PCDHA1: variants seen among roughly 807,000 people sequenced by gnomAD.
PCDHA1 encodes the protein protocadherin alpha 1.
Under a neutral mutation model 61.3 loss-of-function variants are expected in PCDHA1, and 42 were observed. The ratio of observed to expected loss-of-function variants is 0.69; its 90% CI spans 0.54 to 0.89. The LOEUF (loss-of-function observed/expected upper bound fraction) is 0.89. Ranked by LOEUF, PCDHA1 falls within the 40% of genes least tolerant of loss-of-function variation. The pLI, the probability that PCDHA1 is intolerant of heterozygous loss-of-function variation, is 0.00. For missense variants in PCDHA1, 1,256 were observed against 1,235.3 expected (o/e 1.02, Z -0.25); for synonymous variants, 610 against 553.8 (o/e 1.10, Z -1.43).
chr5:140,941,647 C>T (rs1435033243), intron 1 of PCDHA1, among the ~76,000 whole-genome samples: 2 of 152,002 alleles, frequency 1.3e-5, no homozygotes, highest in South Asian at 2.1e-4. Flanking sequence ...CTTCCTACAA[C>T]TTATGTCCAA....
chr5:140,861,442 G>A (rs251368), intron 1 of PCDHA1: 2 of 490,042 alleles, frequency 4.1e-6, no homozygotes, highest in African/African-American at 3.9e-5. Flanking sequence ...TCCAAAAGCC[G>A]CAGAAACCTT....
intron 1 of PCDHA1, among the ~76,000 whole-genome samples, chr5:140,881,114 T>A (rs2058590741): frequency 6.6e-6 from 1 of 152,204 alleles, no homozygotes; most frequent in Admixed American, 6.5e-5. Context: ...GGCCTGGGAT[T>A]TTGTGGCTTG....
At position 140,851,269 on chromosome 5, in the gene PCDHA1, T is replaced by C. The variant is rs1035284960; in HGVS notation, c.2394+62585T>C. ...GATGCATAGTATTTTAGTCTACTTG[T>C]ATTGTTTATAAGAAACCCAAGCAAA... is the stretch of plus-strand genomic sequence containing the variant. On this transcript the variant is annotated intron_variant, in intron 1 of 3. Transcript: ENST00000504120. 2.6e-5 allele frequency: 28 copies of C among 1,066,570 alleles called. No homozygotes were observed. In the South Asian group the frequency reaches 9.7e-4, roughly 37 times the overall value. The allele number at this position is 1,066,570 out of a possible 1,614,324, so 66.1% of individuals were successfully genotyped here. A position where few individuals can be genotyped will look rare whatever the true frequency, so the allele number is the denominator to read the frequency against.
Position 140,853,860 on chromosome 5 carries a change from C to T in PCDHA1, c.2394+65176C>T, listed in dbSNP as rs2042890748. The T allele has an allele frequency of 9.1e-6, 9 of 984,410 alleles. No individual in the cohort carries two copies. In the South Asian group the frequency reaches 3.3e-4, roughly 36 times the overall value. The allele number at this position is 984,410 out of a possible 1,614,324, so 61.0% of individuals were successfully genotyped here. On this transcript the variant is annotated intron_variant, in intron 1 of 3. Coordinates refer to ENST00000504120, the MANE Select transcript of PCDHA1 (RefSeq NM_018900.4). ...TTTAGATCCATAGCCCTATTTGATA[C>T]TTGACAGTGCAAGTTTCTGTAATTT...
intron 1 of PCDHA1, chr5:140,883,260 C>A (rs1554177345): frequency 6.2e-7 from 1 of 1,613,946 alleles, no homozygotes; most frequent in Non-Finnish European, 8.5e-7. Context: ...ATTCCAATGG[C>A]GGGTCATTGT....
At chr5:140,965,312 C>G (rs543157988) in intron 1 of PCDHA1, among the ~76,000 whole-genome samples, 1 of 152,258 alleles carries the variant, frequency 6.6e-6, no homozygotes, top group East Asian at 1.9e-4. Context: ...TCTACCTTCT[C>G]TTTTACTGAA....
chr5:140,849,170 C>A lies in PCDHA1; in HGVS notation c.2394+60486C>A, dbSNP rs2150431916. 4.4e-5 allele frequency: 49 copies of A among 1,111,512 alleles called. No homozygotes were observed. The African/African-American group carries it at 7.8e-4, about 18-fold the overall frequency. 68.9% of individuals were successfully genotyped at this position (1,111,512 alleles called of 1,614,324 possible). ...GAGGCAAACCCGAGCTGACTGGCAC[C>A]GTTCAATTACTCATCACGGTACTGG... On this transcript the variant is annotated intron_variant, in intron 1 of 3. Transcript: ENST00000504120.
At chr5:140,877,729 C>G (rs1554170045) in intron 1 of PCDHA1, 2 of 1,614,168 alleles carry the variant, frequency 1.2e-6, no homozygotes, top group South Asian at 2.2e-5. Context: ...TTACTCGCAG[C>G]AGAGGAGGCA....
chr5:140,987,165 G>A lies in PCDHA1; in HGVS notation c.2542+4602G>A, dbSNP rs191129148. Among the ~76,000 whole-genome samples, 1,195 of 151,202 alleles carry A rather than the reference G, an allele frequency of 7.9e-3. 19 individuals are homozygous for A. The highest frequency in any genetic ancestry group is 0.027 in the African/African-American group (1,126 of 41,156). On this transcript the variant is annotated intron_variant, in intron 3 of 3. Transcript: ENST00000504120. ...GGAGGTGGAGGTTGCAGTGAGCTGA[G>A]ATTGCACCACTGCACTCCAGCCTGG...
rs1554118223 is a variant in PCDHA1, at chr5:140,788,325, T to C, written c.2035T>C (p.Ser679Pro). ...LVESGQAPKASSRASVGVAGP... is the reference protein window; with the variant it reads ...LVESGQAPKAPSRASVGVAGP... ...GGAGAGCGGCCAGGCGCCAAAGGCG[T>C]CTTCGCGGGCGTCGGTGGGTGTCGC... Residue 679 changes from serine (S) to proline (P), a missense_variant, in exon 1 of 4, where the codon TCT becomes CCT. Ser to Pro is a moderately conservative substitution (Grantham distance 74). Transcript: ENST00000504120. 1.9e-6 allele frequency: 3 copies of C among 1,613,806 alleles called. No homozygotes were observed. The South Asian group carries it at 3.3e-5, about 18-fold the overall frequency.
At chr5:141,001,314 T>A (rs34374778) in intron 3 of PCDHA1, among the ~76,000 whole-genome samples, 7,675 of 152,288 alleles carry the variant, frequency 0.05, 243 homozygotes, top group South Asian at 0.11. Flanking sequence ...TGAAATAATT[T>A]GCCAAACATC....
chr5:140,855,885 A>C lies in PCDHA1; in HGVS notation c.2394+67201A>C, dbSNP rs182267691. The C allele has an allele frequency of 1.4e-3, 1,364 of 972,052 alleles. 77 individuals carry two copies. Among genetic ancestry groups the C allele is most frequent in the Non-Finnish European group, 3.0e-4 (200 of 667,108 alleles). The allele number at this position is 972,052 out of a possible 1,614,324, so 60.2% of individuals were successfully genotyped here. On this transcript the variant is annotated intron_variant, in intron 1 of 3. Coordinates refer to ENST00000504120, the MANE Select transcript of PCDHA1 (RefSeq NM_018900.4). ...TGTCGTCCACAAAATAGCTTTTTAG[A>C]ACAAAGGCATCAGCCAGTTTCTCAA...
intron 1 of PCDHA1, among the ~76,000 whole-genome samples, chr5:140,840,153 G>A (rs1284552041): frequency 6.6e-6 from 1 of 152,018 alleles, no homozygotes; most frequent in Non-Finnish European, 1.5e-5. Context: ...CACGTGAAAG[G>A]AGAGATGGGA....
At chr5:140,791,544 A>G (rs1277526883) in intron 1 of PCDHA1, among the ~76,000 whole-genome samples, 3 of 151,966 alleles carry the variant, frequency 2.0e-5, no homozygotes, top group African/African-American at 7.3e-5. Flanking sequence ...TCCCACTGCC[A>G]TTAAGCTAAT....
chr5:140,846,590 G>A (rs1780577373), intron 1 of PCDHA1, among the ~76,000 whole-genome samples: 1 of 148,312 alleles, frequency 6.7e-6, no homozygotes, highest in African/African-American at 2.5e-5. Context: ...TAGCCAGGAT[G>A]GTCTCGATCT....
intron 1 of PCDHA1, among the ~76,000 whole-genome samples, chr5:140,933,506 G>A (rs2089196836): frequency 6.6e-6 from 1 of 151,944 alleles, no homozygotes; most frequent in Non-Finnish European, 1.5e-5. Flanking sequence ...GTTAAGCAAA[G>A]ACTACAGCTG....
At chr5:140,941,508 G>A (rs1296025812) in intron 1 of PCDHA1, among the ~76,000 whole-genome samples, 1 of 151,286 alleles carries the variant, frequency 6.6e-6, no homozygotes, top group African/African-American at 2.4e-5. Flanking sequence ...GTAGAGACGA[G>A]GTTTCACCAT....
At chr5:140,804,796 G>T in intron 1 of PCDHA1, 1 of 289,060 alleles carries the variant, frequency 3.5e-6, no homozygotes. Flanking sequence ...TACCACTGGA[G>T]AGAAATAGTA....
chr5:140,808,405 G>A (rs371283858), intron 1 of PCDHA1: 35 of 1,614,162 alleles, frequency 2.2e-5, no homozygotes, highest in Non-Finnish European at 2.9e-5. Context: ...ATTACTACTC[G>A]TTGGTGCTGG....
Sources: allele counts gnomAD v4.1 joint callset (sites outside exome capture counted in the v4.1 genomes callset), GRCh38; gene constraint gnomAD v4.1.1; transcripts MANE v1.5; gene names NCBI Gene and HGNC (gene_info 2026-07-23, HGNC 2026-07-21).